CCDC7: variants seen among roughly 807,000 people sequenced by gnomAD.
CCDC7 encodes the protein coiled-coil domain-containing protein 7.
Under a neutral mutation model 196.9 loss-of-function variants are expected in CCDC7, and 183 were observed. That is an observed-to-expected ratio of 0.93 (90% CI 0.82 to 1.05). The LOEUF (loss-of-function observed/expected upper bound fraction) is 1.05. Ranked by LOEUF, CCDC7 falls within the 50% of genes least tolerant of loss-of-function variation. The pLI is 0.00. For missense variants in CCDC7, 1,540 were observed against 1,482.2 expected, an observed-to-expected ratio of 1.04 and a Z score of -0.64; for synonymous variants, 525 against 484.6, an observed-to-expected ratio of 1.08 and a Z score of -1.10.
At chr10:32,484,996 G>A (rs182375965) in intron 8 of CCDC7, among the ~76,000 whole-genome samples, 6 of 152,316 alleles carry the variant, frequency 3.9e-5, no homozygotes, top group African/African-American at 1.2e-4. Flanking sequence ...TTGGTATCAG[G>A]ATGATGCTGG....
In CCDC7 at chr10:32,711,608, CTCT is replaced by C; in HGVS notation, c.2459-10_2459-8del. The C allele has an allele frequency of 2.0e-6, 3 of 1,522,018 alleles. No homozygotes were observed. Among genetic ancestry groups the C allele is most frequent in the Non-Finnish European group, 2.7e-6 (3 of 1,116,810 alleles). The allele number at this position is 1,522,018 out of a possible 1,614,324, so 94.3% of individuals were successfully genotyped here. A position where few individuals can be genotyped will look rare whatever the true frequency, so the allele number is the denominator to read the frequency against. Reference sequence around the variant, plus strand: ...TTTTCTAGTAAGGGACTAAATTTCTCTCTTAACATAGCTCATGATGAAGAATCA... The same window carrying C: ...TTTTCTAGTAAGGGACTAAATTTCTCTAACATAGCTCATGATGAAGAATCA... On this transcript the variant is annotated splice_polypyrimidine_tract_variant and intron_variant, in intron 24 of 41. Transcript: ENST00000639629.
At chr10:32,872,605 C>T (rs1162271905) in intron 41 of CCDC7, among the ~76,000 whole-genome samples, 15 of 151,922 alleles carry the variant, frequency 9.9e-5, no homozygotes, top group Non-Finnish European at 2.2e-4. Flanking sequence ...TTATTTTGCT[C>T]GTTAGTTGAT....
chr10:32,854,567 A>G (rs2093680121), intron 41 of CCDC7, 78 bp downstream of exon 42: 2 of 931,716 alleles, frequency 2.1e-6, no homozygotes, highest in Non-Finnish European at 3.3e-6. Flanking sequence ...TACCAACCTC[A>G]AACCTCTGGG....
At chr10:32,870,173 A>G (rs376017303) in intron 41 of CCDC7, among the ~76,000 whole-genome samples, 11 of 152,058 alleles carry the variant, frequency 7.2e-5, no homozygotes, top group Non-Finnish European at 1.5e-5. Context: ...TGAATCTGTA[A>G]ATTACCTTGG....
chr10:32,479,594 C>G (rs2184090), intron 8 of CCDC7, among the ~76,000 whole-genome samples: 21,013 of 152,080 alleles, frequency 0.14, 1,761 homozygotes, highest in East Asian at 0.25. Context: ...AATGTGCTGT[C>G]AATTCAGTTT....
chr10:32,443,568 G>T (rs373562571), upstream of CCDC7, among the ~76,000 whole-genome samples: 11 of 152,280 alleles, frequency 7.2e-5, no homozygotes, highest in African/African-American at 2.6e-4. Flanking sequence ...TTGTTGGAAA[G>T]ATTTTTCTTT....
chr10:32,870,909 G>A (rs1013918871), intron 41 of CCDC7, among the ~76,000 whole-genome samples: 6 of 152,156 alleles, frequency 3.9e-5, no homozygotes, highest in Admixed American at 6.6e-5. Context: ...ACTGATTTGC[G>A]TATGTTGAAC....
chr10:32,683,521 C>T (rs1433797682), intron 21 of CCDC7, among the ~76,000 whole-genome samples: 1 of 152,050 alleles, frequency 6.6e-6, no homozygotes. Flanking sequence ...TTTTCTTATT[C>T]TGTAGTTTGA....
chr10:32,807,498 T>C (rs563338610), intron 30 of CCDC7, among the ~76,000 whole-genome samples: 12 of 152,180 alleles, frequency 7.9e-5, no homozygotes, highest in African/African-American at 2.9e-4. Flanking sequence ...ATAATCATAT[T>C]TCAAATAGAT....
chr10:32,447,763 G>A (rs1023442063), upstream of CCDC7, among the ~76,000 whole-genome samples: 2 of 152,042 alleles, frequency 1.3e-5, no homozygotes, highest in African/African-American at 4.8e-5. Flanking sequence ...TTAGCCGGAC[G>A]TGGCAGTGGG....
At chr10:32,744,946 T>C (rs2074464338) in intron 28 of CCDC7, among the ~76,000 whole-genome samples, 1 of 152,218 alleles carries the variant, frequency 6.6e-6, no homozygotes, top group African/African-American at 2.4e-5. Context: ...TTGTATAGTT[T>C]TCCATTTTCT....
chr10:32,637,286 A>C (rs1365941646), intron 20 of CCDC7, among the ~76,000 whole-genome samples: 1 of 152,116 alleles, frequency 6.6e-6, no homozygotes, highest in Non-Finnish European at 1.5e-5. Context: ...TTGGTGTTTT[A>C]GACATGAAGT....
chr10:32,452,052 GA>G, intron 1 of CCDC7, 131 bp downstream of exon 2: 1 of 1,292,120 alleles, frequency 7.7e-7, no homozygotes, highest in Non-Finnish European at 1.0e-6. Flanking sequence ...GTAGGCACAT[GA>G]GGTGAAATTA....
intron 18 of CCDC7, among the ~76,000 whole-genome samples, chr10:32,593,310 C>A (rs2059970201): frequency 6.6e-6 from 1 of 152,168 alleles, no homozygotes; most frequent in Non-Finnish European, 1.5e-5. Flanking sequence ...TGATGATGAG[C>A]ATTTTTTCTG....
At chr10:32,770,889 A>G (rs945203835) in intron 28 of CCDC7, among the ~76,000 whole-genome samples, 2 of 152,088 alleles carry the variant, frequency 1.3e-5, no homozygotes, top group African/African-American at 4.8e-5. Flanking sequence ...ATTTTGTCTG[A>G]TACAAGAATA....
chr10:32,571,463 A>T (rs2057545955), intron 15 of CCDC7, among the ~76,000 whole-genome samples: 2 of 152,332 alleles, frequency 1.3e-5, no homozygotes, highest in African/African-American at 4.8e-5. Context: ...ATTTAAAAGG[A>T]TTAGATAATT....
chr10:32,487,663 G>C (rs1383402123), intron 8 of CCDC7, among the ~76,000 whole-genome samples: 1 of 152,088 alleles, frequency 6.6e-6, no homozygotes, highest in African/African-American at 2.4e-5. Context: ...ATGGGGTTTT[G>C]GTGTGGATGT....
chr10:32,706,201 A>C (rs535676828), intron 24 of CCDC7, among the ~76,000 whole-genome samples: 39 of 152,254 alleles, frequency 2.6e-4, no homozygotes, highest in Admixed American at 1.4e-3. Flanking sequence ...AAACTGAACA[A>C]CCTGCTCCTG....
chr10:32,685,270 T>A (rs1313996085), intron 21 of CCDC7, among the ~76,000 whole-genome samples: 1 of 151,826 alleles, frequency 6.6e-6, no homozygotes, highest in Non-Finnish European at 1.5e-5. Context: ...TTTATAGAGA[T>A]TTTTTAAATT....
Sources: allele counts gnomAD v4.1 joint callset (sites outside exome capture counted in the v4.1 genomes callset), GRCh38; gene constraint gnomAD v4.1.1; transcripts MANE v1.5; gene names NCBI Gene and HGNC (gene_info 2026-07-23, HGNC 2026-07-21).